Variants in UBE2E2 observed in about 807,000 individuals in gnomAD.
UBE2E2 encodes ubiquitin conjugating enzyme E2 E2.
UBE2E2 carries 6 observed loss-of-function variants against 24.7 expected under a neutral mutation model. That is an observed-to-expected ratio of 0.24 (90% CI 0.13 to 0.48). The LOEUF is 0.48. Among genes scored for constraint, UBE2E2 ranks in the 20% least tolerant of loss-of-function variants. UBE2E2 has a pLI of 0.99. For missense variants in UBE2E2, 169 were observed against 245.0 expected (o/e 0.69, Z 2.07); for synonymous variants, 104 against 83.6 (o/e 1.24, Z -1.33).
At chr3:23,258,406 G>A (rs933775549) in intron 3 of UBE2E2, among the ~76,000 whole-genome samples, 3 of 152,074 alleles carry the variant, frequency 2.0e-5, no homozygotes, top group Admixed American at 1.3e-4. Context: ...AAACATGTTC[G>A]TATCAACGGA....
chr3:23,335,264 T>C (rs905028457), intron 3 of UBE2E2, among the ~76,000 whole-genome samples: 4 of 152,116 alleles, frequency 2.6e-5, no homozygotes, highest in Admixed American at 6.6e-5. Flanking sequence ...GAAGCTGATA[T>C]GGTAAAGACG....
intron 5 of UBE2E2, among the ~76,000 whole-genome samples, chr3:23,571,280 C>CTTTCTTTTTTTTT (rs1696218039): frequency 6.7e-5 from 2 of 29,866 alleles, no homozygotes; most frequent in African/African-American, 2.1e-4. Flanking sequence ...GTGCTCCTTT[C>CTTTCTTTTTTTTT]TTTTTTTTTT....
chr3:23,499,892 A>C, intron 4 of UBE2E2, 152 bp downstream of exon 4: 1 of 994,378 alleles, frequency 1.0e-6, no homozygotes, highest in East Asian at 3.1e-5. Flanking sequence ...GAAACAATGT[A>C]AAAAATTGTA....
chr3:23,353,744 A>T (rs1257992475), intron 3 of UBE2E2, among the ~76,000 whole-genome samples: 1 of 152,170 alleles, frequency 6.6e-6, no homozygotes, highest in Non-Finnish European at 1.5e-5. Context: ...AGAGGATACA[A>T]AGAAATGGAA....
At chr3:23,557,208 T>C (rs1199901969) in intron 5 of UBE2E2, among the ~76,000 whole-genome samples, 2 of 152,194 alleles carry the variant, frequency 1.3e-5, no homozygotes, top group African/African-American at 2.4e-5. Context: ...AAGCAAAAAT[T>C]GTGAGGAGCA....
chr3:23,394,651 T>C (rs1265027452), intron 3 of UBE2E2, among the ~76,000 whole-genome samples: 1 of 152,210 alleles, frequency 6.6e-6, no homozygotes, highest in Non-Finnish European at 1.5e-5. Context: ...AGTCATTCGC[T>C]AATTCTCAGC....
rs550679602 is a variant in UBE2E2 at position 23,474,997 on chromosome 3, A to G, written c.228-24611A>G. 1.8e-4 allele frequency among the ~76,000 whole-genome samples: 27 copies of G among 152,218 alleles called. No individual in the cohort carries two copies. Among genetic ancestry groups the G allele is most frequent in the Non-Finnish European group, 3.4e-4 (23 of 68,014 alleles). On this transcript the variant is annotated intron_variant, in intron 3 of 5. Coordinates refer to ENST00000396703, the MANE Select transcript of UBE2E2 (RefSeq NM_152653.4). This position sits in a 1 kb window ranked among gnomAD's most constrained non-coding sequence, Gnocchi z 4.0. ...AAAGTCACCAACTGCATTTTGCTGA[A>G]AGTGATAGAACTTTCTCCATGTTTT... is the stretch of plus-strand genomic sequence containing the variant.
At chr3:23,379,256 T>A (rs11129118) in intron 3 of UBE2E2, among the ~76,000 whole-genome samples, 419 of 145,346 alleles carry the variant, frequency 2.9e-3, no homozygotes, top group Middle Eastern at 3.5e-3. Flanking sequence ...TATTTTTTTT[T>A]ATTATACTTT....
chr3:23,224,242 C>T (rs150883052), intron 3 of UBE2E2, among the ~76,000 whole-genome samples: 1 of 128,596 alleles, frequency 7.8e-6, no homozygotes, highest in Admixed American at 9.5e-5. Context: ...CTGTAAATTG[C>T]TTTGGGTAGT....
At chr3:23,372,635 G>A (rs995427383) in intron 3 of UBE2E2, among the ~76,000 whole-genome samples, 2 of 152,146 alleles carry the variant, frequency 1.3e-5, no homozygotes, top group African/African-American at 4.8e-5. Flanking sequence ...GCATACAATA[G>A]AAGCACATTT....
At chr3:23,384,236 C>G (rs1263394587) in intron 3 of UBE2E2, among the ~76,000 whole-genome samples, 1 of 152,196 alleles carries the variant, frequency 6.6e-6, no homozygotes, top group Non-Finnish European at 1.5e-5. Flanking sequence ...GAGCATGGCT[C>G]ACTACAGCCT....
intron 3 of UBE2E2, among the ~76,000 whole-genome samples, chr3:23,359,499 T>G (rs1440956652): frequency 6.6e-6 from 1 of 152,190 alleles, no homozygotes; most frequent in Non-Finnish European, 1.5e-5. Context: ...TGTAAATAAC[T>G]TTTTCATAAT....
At chr3:23,480,218 G>C (rs1699228467) in intron 3 of UBE2E2, among the ~76,000 whole-genome samples, 1 of 152,234 alleles carries the variant, frequency 6.6e-6, no homozygotes. Flanking sequence ...GCAGCAGGGG[G>C]CTGGTGTGTC....
intron 3 of UBE2E2, among the ~76,000 whole-genome samples, chr3:23,362,326 C>T (rs1225895211): frequency 1.3e-5 from 2 of 152,172 alleles, no homozygotes; most frequent in Admixed American, 6.5e-5. Flanking sequence ...TCCCCCTGCG[C>T]TTATAGGCTG....
At chr3:23,413,701 C>G (rs950865928) in intron 3 of UBE2E2, among the ~76,000 whole-genome samples, 2 of 152,132 alleles carry the variant, frequency 1.3e-5, no homozygotes, top group African/African-American at 4.8e-5. Context: ...CTTCCTCTTT[C>G]CTAACGTCAT....
chr3:23,298,089 G>T (rs1319756173), intron 3 of UBE2E2, among the ~76,000 whole-genome samples: 1 of 151,974 alleles, frequency 6.6e-6, no homozygotes, highest in African/African-American at 2.4e-5. Context: ...CTCTCTGTTT[G>T]TCTCTTATTG....
At chr3:23,471,595 G>A (rs1699033660) in intron 3 of UBE2E2, among the ~76,000 whole-genome samples, 1 of 152,086 alleles carries the variant, frequency 6.6e-6, no homozygotes, top group Admixed American at 6.6e-5. Context: ...TAATTCATAG[G>A]TGAATAAAGG....
intron 4 of UBE2E2, among the ~76,000 whole-genome samples, chr3:23,500,159 G>GT (rs900914990): frequency 1.3e-5 from 2 of 152,200 alleles, no homozygotes; most frequent in Admixed American, 6.5e-5. Flanking sequence ...CCTAGGCAAG[G>GT]TTTATAGCAC....
chr3:23,287,788 T>C (rs1371884770), intron 3 of UBE2E2, among the ~76,000 whole-genome samples: 1 of 151,388 alleles, frequency 6.6e-6, no homozygotes, highest in Non-Finnish European at 1.5e-5. Flanking sequence ...TTTTTTTTTT[T>C]ACATCTCTGA....
Sources: gnomAD v4.1 joint callset for allele counts (sites outside exome capture counted in the v4.1 genomes callset) on GRCh38, gnomAD v4.1.1 for gene constraint, Gnocchi (gnomAD v3.1) non-coding constraint, MANE v1.5 for transcripts, NCBI Gene and HGNC (gene_info 2026-07-23, HGNC 2026-07-21) for gene names.